The following EFNA5 variants were observed in gnomAD, a reference collection of about 807,000 sequenced individuals.
EFNA5 encodes the protein ephrin A5.
Under a neutral mutation model 22.9 loss-of-function variants are expected in EFNA5, and 5 were observed. The ratio of observed to expected loss-of-function variants is 0.22; its 90% confidence interval spans 0.11 to 0.46. The LOEUF (loss-of-function observed/expected upper bound fraction) is 0.46. Among genes scored for constraint, EFNA5 ranks in the 20% least tolerant of loss-of-function variants. The pLI is 0.99. For missense variants in EFNA5, 237 were observed against 293.3 expected, an observed-to-expected ratio of 0.81 and a Z score of 1.40; for synonymous variants, 113 against 112.2, an observed-to-expected ratio of 1.01 and a Z score of -0.04.
intron 1 of EFNA5, among the ~76,000 whole-genome samples, chr5:107,594,718 C>CA (rs1749439697): frequency 6.6e-6 from 1 of 152,192 alleles, no homozygotes; most frequent in Admixed American, 6.5e-5. Flanking sequence ...TTCCCCTTCA[C>CA]ACAGCACTCC....
At chr5:107,637,939 TGG>T (rs1750417602) in intron 1 of EFNA5, among the ~76,000 whole-genome samples, 1 of 151,628 alleles carries the variant, frequency 6.6e-6, no homozygotes, top group African/African-American at 2.4e-5. Context: ...CTCCGCCTCC[TGG>T]GTTCATGCCA....
intron 1 of EFNA5, among the ~76,000 whole-genome samples, chr5:107,662,071 G>A (rs1750973781): frequency 6.6e-6 from 1 of 152,034 alleles, no homozygotes; most frequent in South Asian, 2.1e-4. Flanking sequence ...AAAACAAAAG[G>A]TATTTGTTAG....
At chr5:107,592,031 TA>T (rs1749378364) in intron 1 of EFNA5, among the ~76,000 whole-genome samples, 1 of 92,368 alleles carries the variant, frequency 1.1e-5, no homozygotes, top group Admixed American at 1.8e-4. Context: ...ATATATATTA[TA>T]TATTATATAT....
intron 2 of EFNA5, among the ~76,000 whole-genome samples, chr5:107,389,694 T>C (rs948481832): frequency 2.0e-5 from 3 of 152,182 alleles, no homozygotes; most frequent in African/African-American, 7.2e-5. Flanking sequence ...GTAGGGCACA[T>C]GGCAATAACT....
chr5:107,651,526 T>A (rs2112552991), intron 1 of EFNA5, among the ~76,000 whole-genome samples: 1 of 152,192 alleles, frequency 6.6e-6, no homozygotes, highest in African/African-American at 2.4e-5. Flanking sequence ...CTCGCAGGCC[T>A]CTCAAGAAGC....
In EFNA5 at chr5:107,438,208, A is replaced by T. The variant is rs147940660; in HGVS notation, c.126-10699T>A. On this transcript the variant is annotated intron_variant, in intron 1 of 4. Transcript: ENST00000333274. Reference sequence around the variant, plus strand: ...TCAGGCGGAGAAGCTTATTATTTGTAATGCTTCTACCCCCTACCCCCACAC... The same window carrying T: ...TCAGGCGGAGAAGCTTATTATTTGTTATGCTTCTACCCCCTACCCCCACAC... 1.2e-3 allele frequency among the ~76,000 whole-genome samples: 179 copies of T among 152,240 alleles called. 2 individuals carry two copies. Among genetic ancestry groups the T allele is most frequent in the African/African-American group, 4.1e-3 (172 of 41,552 alleles).
chr5:107,452,620 G>T (rs925919944), intron 1 of EFNA5, among the ~76,000 whole-genome samples: 9 of 152,104 alleles, frequency 5.9e-5, no homozygotes, highest in African/African-American at 2.2e-4. Flanking sequence ...CAGCTACTTG[G>T]AAGGGCTGAG....
chr5:107,429,273 T>C (rs895881469), intron 1 of EFNA5, among the ~76,000 whole-genome samples: 2 of 152,088 alleles, frequency 1.3e-5, no homozygotes, highest in African/African-American at 4.8e-5. Context: ...CGAAACCTTG[T>C]CTCTACTAAA....
intron 1 of EFNA5, among the ~76,000 whole-genome samples, chr5:107,448,632 C>T (rs1749460733): frequency 6.6e-6 from 1 of 151,944 alleles, no homozygotes; most frequent in Admixed American, 6.6e-5. Context: ...AGTTCGAGAC[C>T]AGCCTGGCCA....
chr5:107,430,312 G>C (rs1455455557), intron 1 of EFNA5, among the ~76,000 whole-genome samples: 1 of 152,152 alleles, frequency 6.6e-6, no homozygotes, highest in Admixed American at 6.5e-5. Flanking sequence ...ATAAGAGCCA[G>C]ACAAGAACAG....
chr5:107,381,395 C>T lies in EFNA5; in HGVS notation c.566-19G>A, dbSNP rs965054002. On this transcript the variant is annotated intron_variant, in intron 4 of 4. Coordinates refer to ENST00000333274, the MANE Select transcript of EFNA5 (RefSeq NM_001962.3). ...GTGTCATCTGTTCAAATAGAAAGCA[C>T]ACATTCCAATGAGATTTCACATCCT... is the stretch of plus-strand genomic sequence containing the variant. The T allele has an allele frequency of 1.9e-6, 3 of 1,594,856 alleles. No homozygotes were observed. Among genetic ancestry groups the T allele is most frequent in the East Asian group, 2.3e-5 (1 of 44,316 alleles).
At chr5:107,596,725 G>C (rs1749480477) in intron 1 of EFNA5, among the ~76,000 whole-genome samples, 1 of 152,056 alleles carries the variant, frequency 6.6e-6, no homozygotes, top group African/African-American at 2.4e-5. Context: ...AAAGGAGGTA[G>C]ATGGAATTAG....
rs2112538928 is a variant in EFNA5, at chr5:107,634,518, AAAAGAAG to A, written c.125+35964_125+35970del. On this transcript the variant is annotated intron_variant, in intron 1 of 4. Transcript: ENST00000333274. ...ACAACAAATGAGATCCTCTCACAAA[AAAAGAAG>A]AAAGTTCACAACAAAGAGGAAACTT... Among the ~76,000 whole-genome samples the A allele has an allele frequency of 1.8e-5, 2 of 113,272 alleles. 1 individual carries two copies. The highest frequency in any genetic ancestry group is 5.5e-4 in the South Asian group (2 of 3,652). 74.3% of individuals were successfully genotyped at this position (113,272 alleles called of 152,430 possible). A position where few individuals can be genotyped will look rare whatever the true frequency, so the allele number is the denominator to read the frequency against.
intron 1 of EFNA5, among the ~76,000 whole-genome samples, chr5:107,492,229 C>T (rs1746824958): frequency 1.3e-5 from 2 of 151,994 alleles, no homozygotes; most frequent in Admixed American, 6.6e-5. Context: ...TATAAAGTTA[C>T]AAAAACTTTT....
chr5:107,596,606 T>C (rs989146349), intron 1 of EFNA5, among the ~76,000 whole-genome samples: 2 of 152,176 alleles, frequency 1.3e-5, no homozygotes, highest in Non-Finnish European at 2.9e-5. Flanking sequence ...AGTGATGACT[T>C]TCCTTTTTTA....
chr5:107,621,946 C>G (rs1412359710), intron 1 of EFNA5, among the ~76,000 whole-genome samples: 1 of 151,860 alleles, frequency 6.6e-6, no homozygotes, highest in East Asian at 1.9e-4. Flanking sequence ...TATTGTCCTC[C>G]TCTATTTGAC....
At chr5:107,608,814 C>T (rs979248204) in intron 1 of EFNA5, among the ~76,000 whole-genome samples, 11 of 152,210 alleles carry the variant, frequency 7.2e-5, no homozygotes, top group Admixed American at 2.6e-4. Flanking sequence ...CTGGTCCCAA[C>T]GCTCGGTTTA....
At chr5:107,660,074 T>C (rs953776738) in intron 1 of EFNA5, among the ~76,000 whole-genome samples, 52 of 151,312 alleles carry the variant, frequency 3.4e-4, no homozygotes, top group African/African-American at 1.2e-3. Flanking sequence ...TTGACTATGG[T>C]GATGTCAAAG....
In EFNA5 at chr5:107,452,000, T is replaced by C. The variant is rs1580460256; in HGVS notation, c.126-24491A>G. On this transcript the variant is annotated intron_variant, in intron 1 of 4. Transcript: ENST00000333274. ...AAAGGTCCATCAATGATAGACAGGA[T>C]AAAGAAAATGTGGTACGTATATACC... Among the ~76,000 whole-genome samples, 3 of 152,112 alleles carry C rather than the reference T, an allele frequency of 2.0e-5. No individual in the cohort carries two copies. In the South Asian group the frequency reaches 6.2e-4, roughly 32 times the overall value.
Sources: allele counts gnomAD v4.1 joint callset (sites outside exome capture counted in the v4.1 genomes callset), GRCh38; gene constraint gnomAD v4.1.1; transcripts MANE v1.5; gene names NCBI Gene and HGNC (gene_info 2026-07-23, HGNC 2026-07-21).